The following LATS2 variants were observed in gnomAD, a reference collection of about 807,000 sequenced individuals.
The protein encoded by LATS2 is large tumor suppressor kinase 2, also known as serine/threonine-protein kinase LATS2.
LATS2 carries 24 observed loss-of-function variants against 76.0 expected under a neutral mutation model. The observed-to-expected ratio is 0.32, with a 90% confidence interval of 0.23 to 0.44. The LOEUF (loss-of-function observed/expected upper bound fraction) is 0.44. Among genes scored for constraint, LATS2 ranks in the 20% least tolerant of loss-of-function variants. The pLI is 1.00. For synonymous variants in LATS2, 692 were observed against 635.4 expected, an observed-to-expected ratio of 1.09 and a Z score of -1.34; for missense variants, 1,286 against 1,481.2, an observed-to-expected ratio of 0.87 and a Z score of 2.16.
chr13:21,033,191 G>C (rs1472514073), intron 2 of LATS2, among the ~76,000 whole-genome samples: 1 of 152,060 alleles, frequency 6.6e-6, no homozygotes, highest in African/African-American at 2.4e-5. Context: ...GGAGCCTAGA[G>C]CCAAAGACAA....
At chr13:21,008,390 G>A (rs1330874933) in intron 2 of LATS2, among the ~76,000 whole-genome samples, 1 of 152,140 alleles carries the variant, frequency 6.6e-6, no homozygotes, top group Non-Finnish European at 1.5e-5. Context: ...GGTGTTGTTA[G>A]AATGACTTCA....
chr13:21,046,262 T>C (rs144245359), intron 1 of LATS2, 32 bp from the exon 2 acceptor site: 111 of 427,102 alleles, frequency 2.6e-4, no homozygotes, highest in African/African-American at 2.1e-3. Context: ...AGAGAAATGT[T>C]CATTTGTCAT....
intron 5 of LATS2, among the ~76,000 whole-genome samples, chr13:20,982,992 CAAAAAAAAAA>C (rs67372854): frequency 1.1e-5 from 1 of 87,206 alleles, no homozygotes; most frequent in Non-Finnish European, 2.1e-5. Context: ...AACTCTGTCT[CAAAAAAAAAA>C]AAAAAAAAAA....
At chr13:21,058,916 C>G (rs1165762176) in intron 1 of LATS2, among the ~76,000 whole-genome samples, 1 of 151,540 alleles carries the variant, frequency 6.6e-6, no homozygotes, top group Non-Finnish European at 1.5e-5. Flanking sequence ...TTTTCTGTTA[C>G]TACCTTATTA....
chr13:21,061,062 C>T (rs1267602736), intron 1 of LATS2, among the ~76,000 whole-genome samples: 1 of 151,700 alleles, frequency 6.6e-6, no homozygotes, highest in Non-Finnish European at 1.5e-5. Flanking sequence ...TGCCCCCGCC[C>T]GACGCCGGCC....
intron 1 of LATS2, among the ~76,000 whole-genome samples, chr13:21,060,549 A>T (rs1038182073): frequency 6.6e-6 from 1 of 152,016 alleles, no homozygotes; most frequent in Non-Finnish European, 1.5e-5. Flanking sequence ...GGCCGCCCGC[A>T]GCCCGGGAGG....
rs200736030 is a variant in LATS2, at chr13:21,022,225, TG to T, written c.342+23459del. Among the ~76,000 whole-genome samples, 529 of 151,894 alleles carry T rather than the reference TG, an allele frequency of 3.5e-3. 4 individuals carry two copies. Among genetic ancestry groups the T allele is most frequent in the African/African-American group, 0.012 (506 of 41,316 alleles). ...CTACGTAAGTGTGTGAATATGTGCA[TG>T]CATGTGTGCCTATGTGTGTGGACGT... On this transcript the variant is annotated intron_variant, in intron 2 of 7. Coordinates refer to ENST00000382592, the MANE Select transcript of LATS2 (RefSeq NM_014572.3).
intron 2 of LATS2, among the ~76,000 whole-genome samples, chr13:21,030,122 CAA>C (rs1214367442): frequency 2.8e-5 from 4 of 141,192 alleles, no homozygotes; most frequent in Non-Finnish European, 1.6e-5. Flanking sequence ...GACTCTACTT[CAA>C]AAAAAAAAAG....
At chr13:21,051,434 GAT>G (rs1337757453) in intron 1 of LATS2, among the ~76,000 whole-genome samples, 1 of 152,236 alleles carries the variant, frequency 6.6e-6, no homozygotes, top group East Asian at 1.9e-4. Flanking sequence ...GCAGTTACAG[GAT>G]AGAGAAAAGT....
chr13:21,011,298 A>G (rs1871582894), intron 2 of LATS2, among the ~76,000 whole-genome samples: 1 of 152,230 alleles, frequency 6.6e-6, no homozygotes, highest in African/African-American at 2.4e-5. Context: ...TCTGGATGAA[A>G]GTTGGGATCC....
rs145113867 is a variant in LATS2, at chr13:20,991,880, C to T, written c.343-476G>A. The stretch of plus-strand genomic sequence containing the variant: ...AGCTGCCGAAGAGTCATATATTACA[C>T]GCCTACTGTTTACAATGCCCCATGC... On this transcript the variant is annotated intron_variant, in intron 2 of 7. Coordinates refer to ENST00000382592, the MANE Select transcript of LATS2 (RefSeq NM_014572.3). The surrounding 1 kb of genome is among the most constrained non-coding windows in gnomAD (Gnocchi z 4.9). Among the ~76,000 whole-genome samples the T allele has an allele frequency of 1.8e-3, 276 of 152,326 alleles. 1 individual carries two copies. The highest frequency in any genetic ancestry group is 6.4e-3 in the African/African-American group (268 of 41,584).
chr13:21,044,441 T>C (rs1028197321), intron 2 of LATS2, among the ~76,000 whole-genome samples: 4 of 152,204 alleles, frequency 2.6e-5, no homozygotes, highest in Admixed American at 2.0e-4. Flanking sequence ...TTTTCCAAGG[T>C]ACCAAAAATA....
chr13:21,045,691 G>A lies in LATS2; in HGVS notation c.336C>T (p.Cys112=), dbSNP rs577344953. ...TGCAGAGGTCTGTACCCACCTGGTC[G>A]CATCCTGCGTTCACCAGTTCCTGCA... ...QMLQELVNAG[C]DQEMAGRALK... The change falls in exon 2 of 8, where the codon TGC becomes TGT. Residue 112 remains cysteine (C), a synonymous_variant. Transcript: ENST00000382592. The A allele has an allele frequency of 3.1e-5, 50 of 1,612,424 alleles. No homozygotes were observed. The highest frequency in any genetic ancestry group is 3.6e-5 in the Non-Finnish European group (42 of 1,179,106).
At chr13:21,036,408 G>A (rs975976465) in intron 2 of LATS2, among the ~76,000 whole-genome samples, 9 of 152,256 alleles carry the variant, frequency 5.9e-5, no homozygotes, top group Non-Finnish European at 1.2e-4. Flanking sequence ...GCCAAAATGA[G>A]AGCTTTCTAG....
chr13:21,044,857 G>A (rs1419206870), intron 2 of LATS2, among the ~76,000 whole-genome samples: 1 of 57,544 alleles, frequency 1.7e-5, no homozygotes, highest in African/African-American at 4.3e-5. Flanking sequence ...AGCATCCCAT[G>A]TAGTTGGGAC....
Position 21,045,703 on chromosome 13 carries a change from C to G in LATS2, c.324G>C (p.Val108=), listed in dbSNP as rs1873046647. ...EVNRQMLQEL[V]NAGCDQEMAG... is the part of the protein sequence containing the mutation. Reference sequence around the variant, plus strand: ...TACCCACCTGGTCGCATCCTGCGTTCACCAGTTCCTGCAGCATTTGCCGGT... The same window carrying G: ...TACCCACCTGGTCGCATCCTGCGTTGACCAGTTCCTGCAGCATTTGCCGGT... Residue 108 remains valine, a synonymous_variant, in exon 2 of 8, where the codon GTG becomes GTC. Transcript: ENST00000382592. The G allele has an allele frequency of 2.5e-6, 4 of 1,613,966 alleles. No individual in the cohort carries two copies. The highest frequency in any genetic ancestry group is 1.7e-4 in the Middle Eastern group (1 of 6,032).
intron 2 of LATS2, among the ~76,000 whole-genome samples, chr13:21,030,591 CAAAAAAAAA>C: frequency 3.9e-5 from 1 of 25,724 alleles, no homozygotes; most frequent in African/African-American, 1.0e-4. Context: ...GACTCCGTCT[CAAAAAAAAA>C]AAAAAAAAAA....
Position 21,045,686 on chromosome 13 carries a change from T to C in LATS2, c.341A>G (p.Gln114Arg), listed in dbSNP as rs1353778933. 1 of 1,612,194 alleles carries C rather than the reference T, an allele frequency of 6.2e-7. No individual in the cohort carries two copies. Among genetic ancestry groups the C allele is most frequent in the South Asian group, 1.1e-5 (1 of 90,792 alleles). ...GGCCCTGCAGAGGTCTGTACCCACC[T>C]GGTCGCATCCTGCGTTCACCAGTTC... ...LQELVNAGCD[Q>R]EMAGRALKQT... Residue 114 changes from glutamine to arginine, a missense_variant and splice_region_variant, in exon 2 of 8, where the codon CAG becomes CGG. Coordinates refer to ENST00000382592, the MANE Select transcript of LATS2 (RefSeq NM_014572.3).
At chr13:21,007,699 A>T (rs1284329480) in intron 2 of LATS2, among the ~76,000 whole-genome samples, 5 of 586 alleles carry the variant, frequency 8.5e-3, no homozygotes, top group African/African-American at 9.7e-3. Context: ...ATATATATAT[A>T]GTATGTATAT....
Sources: allele counts gnomAD v4.1 joint callset (sites outside exome capture counted in the v4.1 genomes callset), GRCh38; gene constraint gnomAD v4.1.1; non-coding constraint Gnocchi (gnomAD v3.1); transcripts MANE v1.5; gene names NCBI Gene and HGNC (gene_info 2026-07-23, HGNC 2026-07-21).